ADAM19: variants seen among roughly 807,000 people sequenced by gnomAD.
The protein encoded by ADAM19 is ADAM metallopeptidase domain 19, also known as disintegrin and metalloproteinase domain-containing protein 19.
ADAM19 carries 65 observed loss-of-function variants against 114.7 expected under a neutral mutation model. The observed-to-expected ratio is 0.57, with a 90% CI of 0.46 to 0.70. The LOEUF (loss-of-function observed/expected upper bound fraction) is 0.70, where lower values mean the gene tolerates loss of function less well. Ranked by LOEUF, ADAM19 falls within the 30% of genes least tolerant of loss-of-function variation. The pLI, the probability that ADAM19 is intolerant of heterozygous loss-of-function variation, is 0.00. For synonymous variants in ADAM19, 466 were observed against 460.5 expected, an observed-to-expected ratio of 1.01 and a Z score of -0.15; for missense variants, 1,063 against 1,204.7, an observed-to-expected ratio of 0.88 and a Z score of 1.74.
intron 3 of ADAM19, among the ~76,000 whole-genome samples, chr5:157,541,246 G>A (rs977565452): frequency 2.6e-5 from 4 of 152,156 alleles, no homozygotes; most frequent in Non-Finnish European, 4.4e-5. Flanking sequence ...GCAGGAAGCC[G>A]TCTCTCACCA....
chr5:157,486,046 C>A (rs1307886636), intron 21 of ADAM19, among the ~76,000 whole-genome samples: 1 of 152,198 alleles, frequency 6.6e-6, no homozygotes, highest in South Asian at 2.1e-4. Context: ...GATGAGGTTT[C>A]ATCTATCACT....
chr5:157,509,627 C>CA (rs755192344), intron 8 of ADAM19, among the ~76,000 whole-genome samples, 160 bp from the exon 9 acceptor site: 22 of 152,292 alleles, frequency 1.4e-4, no homozygotes, highest in Non-Finnish European at 2.9e-4. Context: ...CCTAAGAACT[C>CA]AGAGCACAGA....
At chr5:157,527,754 G>T (rs1756514860) in intron 5 of ADAM19, among the ~76,000 whole-genome samples, 1 of 152,118 alleles carries the variant, frequency 6.6e-6, no homozygotes, top group African/African-American at 2.4e-5. Context: ...AGTAACAACG[G>T]CTGTCTCTAG....
chr5:157,536,642 A>T (rs1353534230), intron 4 of ADAM19, among the ~76,000 whole-genome samples: 2 of 152,154 alleles, frequency 1.3e-5, no homozygotes, highest in African/African-American at 2.4e-5. Flanking sequence ...ACACACACAC[A>T]CAAAATTACC....
chr5:157,503,076 G>A, intron 11 of ADAM19, 96 bp from the exon 12 acceptor site: 4 of 1,175,718 alleles, frequency 3.4e-6, no homozygotes, highest in Non-Finnish European at 4.9e-6. Flanking sequence ...CCGTGGGGCT[G>A]ACTCCACCTG....
At chr5:157,514,181 G>A (rs905650369) in intron 7 of ADAM19, among the ~76,000 whole-genome samples, 2 of 152,224 alleles carry the variant, frequency 1.3e-5, no homozygotes, top group Admixed American at 6.5e-5. Flanking sequence ...GGGAGGTCAT[G>A]TGAATGACAT....
intron 3 of ADAM19, among the ~76,000 whole-genome samples, chr5:157,552,420 G>A (rs6893269): frequency 0.2 from 30,611 of 151,924 alleles, 4,281 homozygotes; most frequent in African/African-American, 0.39. Context: ...GGGAGGCTGA[G>A]GTGGGTGGAT....
chr5:157,530,345 G>A (rs1313121526), intron 5 of ADAM19, among the ~76,000 whole-genome samples: 1 of 152,162 alleles, frequency 6.6e-6, no homozygotes, highest in Non-Finnish European at 1.5e-5. Flanking sequence ...ATGCAAACTA[G>A]CCAATCCTAA....
At chr5:157,575,478 G>C (rs757973144) in intron 1 of ADAM19, 125 bp downstream of exon 1, 25 of 643,232 alleles carry the variant, frequency 3.9e-5, no homozygotes, top group Non-Finnish European at 5.2e-5. Context: ...TGGGGACGGC[G>C]GGGGCGCAGG....
At chr5:157,486,757 A>T (rs1041081391) in intron 21 of ADAM19, among the ~76,000 whole-genome samples, 1 of 151,450 alleles carries the variant, frequency 6.6e-6, no homozygotes, top group Non-Finnish European at 1.5e-5. Context: ...CCTTTCTTTC[A>T]TCTCTCTGTT....
chr5:157,497,374 A>G (rs1755398212), intron 13 of ADAM19, among the ~76,000 whole-genome samples: 1 of 152,234 alleles, frequency 6.6e-6, no homozygotes, highest in Non-Finnish European at 1.5e-5. Flanking sequence ...AGTTTCCTAC[A>G]TGCTTTAGTA....
rs764445314 is a variant in ADAM19, at chr5:157,477,949, G to A, written c.*3000C>T. 27 of 321,230 alleles carry A rather than the reference G, an allele frequency of 8.4e-5. No homozygotes were observed. Among genetic ancestry groups the A allele is most frequent in the Non-Finnish European group, 1.2e-4 (20 of 160,982 alleles). The allele number at this position is 321,230 out of a possible 1,614,324, so 19.9% of individuals were successfully genotyped here. ...GGCAGAAAAAGGCTTTACTTTTATA[G>A]GGAGAAGTCAGCAAGGCTGAAAGGA... On this transcript the variant is annotated 3_prime_UTR_variant, in exon 23 of 23. Coordinates refer to ENST00000257527, the MANE Select transcript of ADAM19 (RefSeq NM_033274.5).
intron 3 of ADAM19, among the ~76,000 whole-genome samples, chr5:157,539,351 A>C (rs572043296): frequency 6.6e-6 from 1 of 152,348 alleles, no homozygotes; most frequent in South Asian, 2.1e-4. Context: ...ATGTAGGCTG[A>C]GGCCAGCACA....
In ADAM19 at chr5:157,499,676, G is replaced by A. The variant is rs1263699843; in HGVS notation, c.1309-14C>T. 3 of 1,590,114 alleles carry A rather than the reference G, an allele frequency of 1.9e-6. No individual in the cohort carries two copies. The highest frequency in any genetic ancestry group is 2.6e-6 in the Non-Finnish European group (3 of 1,165,532). On this transcript the variant is annotated splice_polypyrimidine_tract_variant and intron_variant, in intron 12 of 22. Transcript: ENST00000257527. ...GTTGTTACATTCCTGGGGAGGCAGT[G>A]GGGTGGGTGTGAGTGGGGGAGGGCC...
At chr5:157,532,399 G>T (rs1465372381) in intron 4 of ADAM19, among the ~76,000 whole-genome samples, 1 of 152,228 alleles carries the variant, frequency 6.6e-6, no homozygotes, top group East Asian at 1.9e-4. Context: ...TATAAGTCAG[G>T]TAACCATAGA....
At chr5:157,490,962 C>T (rs1282735236) in intron 18 of ADAM19, among the ~76,000 whole-genome samples, 4 of 151,810 alleles carry the variant, frequency 2.6e-5, no homozygotes, top group Admixed American at 2.6e-4. Flanking sequence ...ACCCATAATC[C>T]ATAACTTAAC....
chr5:157,567,567 G>A lies in ADAM19; in HGVS notation c.181-3124C>T, dbSNP rs148656854. Among the ~76,000 whole-genome samples, 159 of 152,312 alleles carry A rather than the reference G, an allele frequency of 1.0e-3. 1 individual carries two copies. The highest frequency in any genetic ancestry group is 3.6e-3 in the African/African-American group (149 of 41,568). On this transcript the variant is annotated intron_variant, in intron 2 of 22. Transcript: ENST00000257527. ...AATCCCAACACTTTGGGAGGCCAAGGTGGGCGGATCCCTGGAGATCAGGAG... is the reference window on the plus strand; with the variant it reads ...AATCCCAACACTTTGGGAGGCCAAGATGGGCGGATCCCTGGAGATCAGGAG...
At chr5:157,503,378 G>A (rs1190243154) in intron 11 of ADAM19, among the ~76,000 whole-genome samples, 1 of 151,702 alleles carries the variant, frequency 6.6e-6, no homozygotes, top group Non-Finnish European at 1.5e-5. Flanking sequence ...AGCATTAGGA[G>A]ATATACCTAA....
Position 157,478,479 on chromosome 5 carries a change from T to G in ADAM19, c.*2470A>C. The G allele has an allele frequency of 1.3e-6, 1 of 789,742 alleles. No homozygotes were observed. Among genetic ancestry groups the G allele is most frequent in the South Asian group, 5.8e-5 (1 of 17,230 alleles). The allele number at this position is 789,742 out of a possible 1,614,324, so 48.9% of individuals were successfully genotyped here. ...CCCATAAGGCCCCTTCCTCTCCCTT[T>G]TGCAATATTCCCTTTCCCCTTCTGC... On this transcript the variant is annotated 3_prime_UTR_variant, in exon 23 of 23. Coordinates refer to ENST00000257527, the MANE Select transcript of ADAM19 (RefSeq NM_033274.5).
Sources: allele counts gnomAD v4.1 joint callset (sites outside exome capture counted in the v4.1 genomes callset), GRCh38; gene constraint gnomAD v4.1.1; transcripts MANE v1.5; gene names NCBI Gene and HGNC (gene_info 2026-07-23, HGNC 2026-07-21).